The following ANKS1B variants were observed in gnomAD, a reference collection of about 807,000 sequenced individuals.
The protein encoded by ANKS1B is ankyrin repeat and sterile alpha motif domain-containing protein 1B.
In ANKS1B, 36 loss-of-function variants were observed where a neutral mutation model predicts 148.3. That is an observed-to-expected ratio of 0.24 (90% confidence interval 0.19 to 0.32). The LOEUF is 0.32. ANKS1B is among the 10% of genes least tolerant of loss of function. The pLI, the probability that ANKS1B is intolerant of heterozygous loss-of-function variation, is 1.00. For missense variants in ANKS1B, 1,157 were observed against 1,542.6 expected, an observed-to-expected ratio of 0.75 and a Z score of 4.19; for synonymous variants, 542 against 560.8, an observed-to-expected ratio of 0.97 and a Z score of 0.47.
intron 9 of ANKS1B, among the ~76,000 whole-genome samples, chr12:99,562,779 C>T (rs558596956): frequency 2.0e-5 from 3 of 152,294 alleles, no homozygotes; most frequent in Admixed American, 2.0e-4. Flanking sequence ...AATTACTTCC[C>T]ATGAGGTCCC....
chr12:99,470,684 T>A (rs941686324), intron 10 of ANKS1B, among the ~76,000 whole-genome samples: 1 of 152,186 alleles, frequency 6.6e-6, no homozygotes, highest in Non-Finnish European at 1.5e-5. Context: ...GCAATATAGC[T>A]ATGATATGTC....
intron 12 of ANKS1B, among the ~76,000 whole-genome samples, chr12:99,347,771 G>A (rs1055213237): frequency 2.6e-5 from 4 of 151,660 alleles, no homozygotes; most frequent in African/African-American, 7.3e-5. Context: ...TATTTAAAAT[G>A]CTCAGTTTTA....
chr12:99,691,658 T>C (rs2098680010), intron 8 of ANKS1B, among the ~76,000 whole-genome samples: 2 of 152,210 alleles, frequency 1.3e-5, no homozygotes, highest in Admixed American at 1.3e-4. Context: ...AGCATTTTGA[T>C]CAAAGCCATT....
intron 15 of ANKS1B, among the ~76,000 whole-genome samples, chr12:99,095,955 C>T (rs117463906): frequency 0.023 from 3,495 of 152,276 alleles, 62 homozygotes; most frequent in Non-Finnish European, 0.032. Flanking sequence ...TGCCAAAGTG[C>T]TCATGGGACT....
At chr12:99,623,065 A>G (rs11109951) in intron 9 of ANKS1B, among the ~76,000 whole-genome samples, 104,075 of 151,870 alleles carry the variant, frequency 0.69, 35,788 homozygotes, top group African/African-American at 0.74. Context: ...GATCACACAG[A>G]CTTCATTCCT....
chr12:99,562,370 T>C (rs912676314), intron 9 of ANKS1B, among the ~76,000 whole-genome samples: 2 of 152,320 alleles, frequency 1.3e-5, no homozygotes, highest in South Asian at 2.1e-4. Context: ...CTGTCCTTTG[T>C]AGATTTGAAG....
At chr12:99,389,449 C>T (rs1266744246) in intron 12 of ANKS1B, among the ~76,000 whole-genome samples, 1 of 152,186 alleles carries the variant, frequency 6.6e-6, no homozygotes, top group Non-Finnish European at 1.5e-5. Context: ...ATAGCACCAA[C>T]CTGGGAATAC....
chr12:99,809,630 TATA>T (rs1301720793), intron 3 of ANKS1B, among the ~76,000 whole-genome samples: 1 of 152,070 alleles, frequency 6.6e-6, no homozygotes, highest in Non-Finnish European at 1.5e-5. Context: ...ATCTTATCTG[TATA>T]ATGAGAATAT....
At chr12:98,908,039 C>T (rs1479861177) in intron 17 of ANKS1B, among the ~76,000 whole-genome samples, 1 of 152,150 alleles carries the variant, frequency 6.6e-6, no homozygotes, top group Non-Finnish European at 1.5e-5. Flanking sequence ...TGAGAACAGA[C>T]TGATACAGGG....
At chr12:99,461,195 A>G (rs2095960026) in intron 10 of ANKS1B, among the ~76,000 whole-genome samples, 1 of 152,122 alleles carries the variant, frequency 6.6e-6, no homozygotes, top group Non-Finnish European at 1.5e-5. Flanking sequence ...AACCAAACAT[A>G]TGTTCTCACT....
chr12:99,670,479 C>T lies in ANKS1B; in HGVS notation c.1129-15269G>A, dbSNP rs73143657. Among the ~76,000 whole-genome samples the T allele has an allele frequency of 8.1e-3, 1,233 of 151,694 alleles. 16 individuals are homozygous for T. Among genetic ancestry groups the T allele is most frequent in the Non-Finnish European group, 0.013 (913 of 67,882 alleles). ...TTAATTAAAAAATTATTGTTTATGCCCAATATTTCAAATAAATTTATTTAA... is the reference window on the plus strand; with the variant it reads ...TTAATTAAAAAATTATTGTTTATGCTCAATATTTCAAATAAATTTATTTAA... On this transcript the variant is annotated intron_variant, in intron 8 of 26. Coordinates refer to ENST00000683438, the MANE Select transcript of ANKS1B (RefSeq NM_001352186.2).
intron 1 of ANKS1B, among the ~76,000 whole-genome samples, chr12:99,851,999 C>T (rs1000259426): frequency 1.3e-4 from 20 of 152,156 alleles, no homozygotes; most frequent in Non-Finnish European, 2.9e-5. Context: ...GGTTGACTAG[C>T]ACTTTCTGGT....
intron 14 of ANKS1B, chr12:99,155,139 C>G: frequency 6.7e-7 from 1 of 1,482,060 alleles, no homozygotes. Context: ...CCAGGAAATG[C>G]GAAGCTTGAA....
chr12:98,858,848 C>T (rs1043676734), intron 17 of ANKS1B, among the ~76,000 whole-genome samples: 3 of 152,206 alleles, frequency 2.0e-5, no homozygotes, highest in African/African-American at 7.2e-5. Flanking sequence ...AACCTTAGCA[C>T]TTCTCTCAAT....
chr12:99,696,281 T>C (rs2053899539), intron 8 of ANKS1B, among the ~76,000 whole-genome samples: 1 of 152,190 alleles, frequency 6.6e-6, no homozygotes, highest in African/African-American at 2.4e-5. Flanking sequence ...GAGTCTACGA[T>C]ATATTGTTAA....
intron 14 of ANKS1B, among the ~76,000 whole-genome samples, chr12:99,184,988 A>G (rs551230114): frequency 2.6e-5 from 4 of 152,236 alleles, no homozygotes; most frequent in South Asian, 4.1e-4. Flanking sequence ...AAGACAATTC[A>G]TCAAATATAA....
intron 11 of ANKS1B, among the ~76,000 whole-genome samples, chr12:99,422,185 C>T (rs371770042): frequency 2.0e-5 from 3 of 152,192 alleles, no homozygotes; most frequent in Admixed American, 6.5e-5. Flanking sequence ...TTAATGTGCC[C>T]TGGTGCAATG....
intron 12 of ANKS1B, among the ~76,000 whole-genome samples, chr12:99,324,044 T>C (rs571261177): frequency 9.8e-5 from 15 of 152,314 alleles, no homozygotes; most frequent in South Asian, 4.1e-4. Flanking sequence ...AAAATTAAAC[T>C]AGTGCTCTTA....
intron 17 of ANKS1B, among the ~76,000 whole-genome samples, chr12:99,034,299 G>A (rs1363977212): frequency 6.6e-6 from 1 of 152,086 alleles, no homozygotes; most frequent in Non-Finnish European, 1.5e-5. Flanking sequence ...TTCAGGAAAA[G>A]AGAACTGAGC....
Sources: allele counts gnomAD v4.1 joint callset (sites outside exome capture counted in the v4.1 genomes callset), GRCh38; gene constraint gnomAD v4.1.1; transcripts MANE v1.5; gene names NCBI Gene and HGNC (gene_info 2026-07-23, HGNC 2026-07-21).